MGAT5: variants seen among roughly 807,000 people sequenced by gnomAD.
MGAT5 encodes the protein alpha-1,6-mannosylglycoprotein 6-beta-N-acetylglucosaminyltransferase, also known as alpha-1,6-mannosylglycoprotein 6-beta-N-acetylglucosaminyltransferase A.
Under a neutral mutation model 94.3 loss-of-function variants are expected in MGAT5, and 30 were observed. The observed-to-expected ratio is 0.32, with a 90% confidence interval of 0.24 to 0.43. The LOEUF (loss-of-function observed/expected upper bound fraction) is 0.43. Ranked by LOEUF, MGAT5 falls within the 20% of genes least tolerant of loss-of-function variation. The pLI, the probability that MGAT5 is intolerant of heterozygous loss-of-function variation, is 1.00. For missense variants in MGAT5, 691 were observed against 905.5 expected (o/e 0.76, Z 3.04); for synonymous variants, 310 against 322.9 (o/e 0.96, Z 0.43).
At chr2:134,428,236 G>A in intron 13 of MGAT5, 129 bp from the exon 14 acceptor site, 1 of 725,724 alleles carries the variant, frequency 1.4e-6, no homozygotes, top group Non-Finnish European at 2.3e-6. Flanking sequence ...CGACTTGCAA[G>A]TCCATAGTCA....
At chr2:134,235,116 CT>C (rs1681567224) in intron 1 of MGAT5, among the ~76,000 whole-genome samples, 1 of 152,064 alleles carries the variant, frequency 6.6e-6, no homozygotes, top group South Asian at 2.1e-4. Context: ...CTCAAGTTGT[CT>C]GGTGGTTAGA....
intron 1 of MGAT5, among the ~76,000 whole-genome samples, chr2:134,159,650 G>A (rs1166995372): frequency 6.6e-6 from 1 of 152,170 alleles, no homozygotes; most frequent in African/African-American, 2.4e-5. Flanking sequence ...AGGAGTTTGA[G>A]ACCAGCCTGG....
intron 2 of MGAT5, among the ~76,000 whole-genome samples, chr2:134,271,116 G>T (rs1404679863): frequency 2.0e-5 from 3 of 152,122 alleles, no homozygotes; most frequent in Non-Finnish European, 4.4e-5. Context: ...ATTTTGTTTG[G>T]CTCCTTCTGG....
intron 1 of MGAT5, among the ~76,000 whole-genome samples, chr2:134,135,329 TGTAAA>T (rs71835019): frequency 0.044 from 6,742 of 152,122 alleles, 494 homozygotes; most frequent in African/African-American, 0.15. Context: ...GGAAATGAAT[TGTAAA>T]GTAATGTTTT....
intron 1 of MGAT5, among the ~76,000 whole-genome samples, chr2:134,130,278 T>C (rs115692436): frequency 0.25 from 12,193 of 49,758 alleles, 1,286 homozygotes; most frequent in East Asian, 0.49. Flanking sequence ...CCCCACACCC[T>C]GGCGGTGGGC....
At chr2:134,271,199 C>T (rs1457802049) in intron 2 of MGAT5, among the ~76,000 whole-genome samples, 1 of 151,532 alleles carries the variant, frequency 6.6e-6, no homozygotes, top group Non-Finnish European at 1.5e-5. Flanking sequence ...CATGTTGTTG[C>T]CTGCAGCTCA....
At chr2:134,233,025 T>C (rs1681450664) in intron 1 of MGAT5, among the ~76,000 whole-genome samples, 1 of 152,250 alleles carries the variant, frequency 6.6e-6, no homozygotes, top group African/African-American at 2.4e-5. Flanking sequence ...GGTTTTATGC[T>C]AGAAGAATAG....
At chr2:134,389,216 C>A (rs2106242467) in intron 10 of MGAT5, among the ~76,000 whole-genome samples, 1 of 152,248 alleles carries the variant, frequency 6.6e-6, no homozygotes, top group South Asian at 2.1e-4. Flanking sequence ...TTAGTACTTG[C>A]TAGTGATAGT....
In MGAT5 at chr2:134,189,602, G is replaced by GTTTTGTTTTTTTTTT. The variant is rs1553490380; in HGVS notation, c.-142-64656_-142-64655insGTTTTTTTTTTTTTT. The stretch of plus-strand genomic sequence containing the variant: ...AACCTCATGGCTCTAGTTTTTTTTT[G>GTTTTGTTTTTTTTTT]TTTTTTTTTTTTTTTTTTAAGACAG... On this transcript the variant is annotated intron_variant, in intron 1 of 16. Coordinates refer to the MGAT5 transcript ENST00000409645. Among the ~76,000 whole-genome samples the GTTTTGTTTTTTTTTT allele has an allele frequency of 1.7e-4, 14 of 84,652 alleles. 1 individual carries two copies. Among genetic ancestry groups the GTTTTGTTTTTTTTTT allele is most frequent in the African/African-American group, 5.2e-4 (11 of 20,996 alleles). The allele number at this position is 84,652 out of a possible 152,430, so 55.5% of individuals were successfully genotyped here.
chr2:134,265,986 G>A (rs912163065), intron 1 of MGAT5, among the ~76,000 whole-genome samples: 3 of 151,762 alleles, frequency 2.0e-5, no homozygotes, highest in African/African-American at 7.3e-5. Flanking sequence ...TGACCAAGAT[G>A]GTGAAACCCC....
At chr2:134,198,182 A>G (rs1195522118) in intron 1 of MGAT5, among the ~76,000 whole-genome samples, 1 of 152,220 alleles carries the variant, frequency 6.6e-6, no homozygotes, top group Non-Finnish European at 1.5e-5. Context: ...ATATTGAAAA[A>G]TGAAACTGAT....
At chr2:134,333,517 T>C (rs1272842148) in intron 4 of MGAT5, among the ~76,000 whole-genome samples, 4 of 151,680 alleles carry the variant, frequency 2.6e-5, no homozygotes, top group African/African-American at 9.7e-5. Context: ...CACACCAGCA[T>C]GGCACATGTA....
At chr2:134,365,275 C>T (rs1345831490) in intron 10 of MGAT5, among the ~76,000 whole-genome samples, 3 of 152,188 alleles carry the variant, frequency 2.0e-5, no homozygotes, top group African/African-American at 4.8e-5. Context: ...CTACTCACCT[C>T]GGCACTTAAG....
intron 1 of MGAT5, among the ~76,000 whole-genome samples, chr2:134,213,286 C>T (rs978083555): frequency 2.0e-5 from 3 of 152,174 alleles, no homozygotes; most frequent in African/African-American, 4.8e-5. Flanking sequence ...GCTTTGCAAA[C>T]GTATTAAACA....
At chr2:134,364,988 A>T (rs1680334951) in intron 10 of MGAT5, among the ~76,000 whole-genome samples, 1 of 152,172 alleles carries the variant, frequency 6.6e-6, no homozygotes, top group Non-Finnish European at 1.5e-5. Context: ...AGGATGTTTT[A>T]TCAGTCGTCT....
chr2:134,231,893 A>G (rs979069097), intron 1 of MGAT5, among the ~76,000 whole-genome samples: 1 of 152,170 alleles, frequency 6.6e-6, no homozygotes, highest in Admixed American at 6.5e-5. Context: ...CAGTGAGTTG[A>G]GGAAGAAGGA....
intron 1 of MGAT5, among the ~76,000 whole-genome samples, chr2:134,172,577 G>A (rs569787909): frequency 2.0e-5 from 3 of 152,150 alleles, no homozygotes; most frequent in Non-Finnish European, 4.4e-5. Context: ...TAGTAGAGAC[G>A]GGTTTTCACC....
chr2:134,433,637 G>A (rs1036220229), intron 14 of MGAT5, among the ~76,000 whole-genome samples: 5 of 152,166 alleles, frequency 3.3e-5, no homozygotes, highest in Admixed American at 1.3e-4. Context: ...GAAAGCACAC[G>A]CCGAGAATGG....
At chr2:134,418,681 G>A (rs946246945) in intron 12 of MGAT5, among the ~76,000 whole-genome samples, 1 of 152,254 alleles carries the variant, frequency 6.6e-6, no homozygotes, top group Non-Finnish European at 1.5e-5. Context: ...TGTGCTGGGT[G>A]GAGGATGTGC....
Sources: allele counts gnomAD v4.1 joint callset (sites outside exome capture counted in the v4.1 genomes callset), GRCh38; gene constraint gnomAD v4.1.1; transcripts MANE v1.5; gene names NCBI Gene and HGNC (gene_info 2026-07-23, HGNC 2026-07-21).